The following RELN variants were observed in gnomAD, a reference collection of about 807,000 sequenced individuals.
The protein encoded by RELN is reelin.
RELN carries 108 observed loss-of-function variants against 427.6 expected under a neutral mutation model. The ratio of observed to expected loss-of-function variants is 0.25; its 90% confidence interval spans 0.22 to 0.30. RELN has a LOEUF of 0.30. Ranked by LOEUF, RELN falls within the 10% of genes least tolerant of loss-of-function variation. The probability of loss-of-function intolerance (pLI) is 1.00; values close to 1 mark genes in which losing one functional copy is unlikely to be tolerated. For missense variants in RELN, 3,715 were observed against 4,302.8 expected (o/e 0.86, Z 3.82); for synonymous variants, 1,524 against 1,513.4 (o/e 1.01, Z -0.16).
chr7:103,929,495 G>A (rs1795815146), intron 1 of RELN, among the ~76,000 whole-genome samples: 1 of 152,160 alleles, frequency 6.6e-6, no homozygotes, highest in African/African-American at 2.4e-5. Context: ...AGGTTCCTGT[G>A]AGGCTTTGGT....
At chr7:103,598,414 G>T (rs1831588758) in intron 24 of RELN, among the ~76,000 whole-genome samples, 1 of 152,168 alleles carries the variant, frequency 6.6e-6, no homozygotes, top group South Asian at 2.1e-4. Context: ...ATCATTACAG[G>T]AAGAATGATT....
At chr7:103,872,066 T>C (rs1316396070) in intron 2 of RELN, among the ~76,000 whole-genome samples, 2 of 148,288 alleles carry the variant, frequency 1.3e-5, no homozygotes, top group East Asian at 2.0e-4. Context: ...TTTTATTTAT[T>C]TATTTTTTTA....
intron 41 of RELN, among the ~76,000 whole-genome samples, chr7:103,549,853 T>C (rs1830375321): frequency 6.6e-6 from 1 of 152,164 alleles, no homozygotes; most frequent in African/African-American, 2.4e-5. Context: ...GAATAAAAAC[T>C]TTTTCCTGGA....
At chr7:103,679,599 A>G (rs926407467) in intron 11 of RELN, among the ~76,000 whole-genome samples, 2 of 152,132 alleles carry the variant, frequency 1.3e-5, no homozygotes, top group Non-Finnish European at 2.9e-5. Context: ...ATGTCCAAAG[A>G]GCACCTGAGT....
intron 41 of RELN, among the ~76,000 whole-genome samples, chr7:103,549,253 C>G (rs1042844275): frequency 6.6e-6 from 1 of 152,196 alleles, no homozygotes; most frequent in Non-Finnish European, 1.5e-5. Flanking sequence ...AAGGAGCCAG[C>G]ACCTCAGTGT....
chr7:103,890,107 T>A (rs4107712), intron 2 of RELN, among the ~76,000 whole-genome samples: 1 of 151,964 alleles, frequency 6.6e-6, no homozygotes, highest in South Asian at 2.1e-4. Context: ...CTCATCACTA[T>A]GTCTCTGGTT....
In RELN at chr7:103,575,532, A is replaced by C. The variant is rs1192908198; in HGVS notation, c.4303+16T>G. 1.2e-6 allele frequency: 2 copies of C among 1,613,038 alleles called. No homozygotes were observed. On this transcript the variant is annotated intron_variant, in intron 29 of 64. Transcript: ENST00000428762. ...ATTTTACAATAAAACCCTCAGACAC[A>C]TGTATTTAGCCTTACCAGTATATCC...
At position 103,563,287 on chromosome 7, in the gene RELN, T is replaced by C. The variant is rs578090148; in HGVS notation, c.5211-1334A>G. ...TGACAATGGTCTCATAAGATTATAA[T>C]GGATCTGAAAAAAAATTCCTATTGC... On this transcript the variant is annotated intron_variant, in intron 34 of 64. Coordinates refer to ENST00000428762, the MANE Select transcript of RELN (RefSeq NM_005045.4). This position sits in a 1 kb window ranked among gnomAD's most constrained non-coding sequence, Gnocchi z 4.1. 6.6e-6 allele frequency among the ~76,000 whole-genome samples: 1 copy of C among 152,310 alleles called. No homozygotes were observed. The highest frequency in any genetic ancestry group is 6.5e-5 in the Admixed American group (1 of 15,296).
At chr7:103,885,644 G>A (rs993483476) in intron 2 of RELN, among the ~76,000 whole-genome samples, 3 of 152,102 alleles carry the variant, frequency 2.0e-5, no homozygotes, top group Admixed American at 1.3e-4. Context: ...TGTAGATGAC[G>A]GGTTGATGGG....
chr7:103,596,589 T>A lies in RELN; in HGVS notation c.3406A>T (p.Ile1136Leu), dbSNP rs1335719430. The change falls in exon 25 of 65, where the codon ATA becomes TTA. Residue 1136 changes from isoleucine (I) to leucine (L), a missense_variant. By Grantham distance (5) the Ile-to-Leu change is conservative. This residue lies in a region of RELN where 2,208 missense variants were observed against 2,361.7 expected (regional missense o/e 0.93). Transcript: ENST00000428762. ...WVDFVQFYIQIGGESASCNKP... is the reference protein window; with the variant it reads ...WVDFVQFYIQLGGESASCNKP... ...TTGCATGAAGCACTCTCTCCGCCTA[T>A]CTGGATGTAGAACTGGACAAAGTCC... is the stretch of plus-strand genomic sequence containing the variant. 2 of 1,613,908 alleles carry A rather than the reference T, an allele frequency of 1.2e-6. No homozygotes were observed. Among genetic ancestry groups the A allele is most frequent in the African/African-American group, 1.3e-5 (1 of 74,912 alleles).
chr7:103,509,135 C>A (rs1041638505), intron 51 of RELN, among the ~76,000 whole-genome samples: 1 of 152,164 alleles, frequency 6.6e-6, no homozygotes, highest in Non-Finnish European at 1.5e-5. Context: ...ACTTTCTTCA[C>A]AGAATTGGAA....
chr7:103,852,624 A>C (rs1793850800), intron 2 of RELN, among the ~76,000 whole-genome samples: 2 of 151,980 alleles, frequency 1.3e-5, no homozygotes, highest in Admixed American at 6.6e-5. Context: ...AAAATCAATG[A>C]CCTTTCTTTT....
chr7:103,833,014 A>G (rs117498780), intron 3 of RELN, among the ~76,000 whole-genome samples: 1,966 of 152,306 alleles, frequency 0.013, 23 homozygotes, highest in Non-Finnish European at 0.017. Flanking sequence ...GCATATATTT[A>G]TGGAGCACAA....
chr7:103,646,661 G>A (rs573651337), intron 16 of RELN, among the ~76,000 whole-genome samples: 4 of 151,622 alleles, frequency 2.6e-5, no homozygotes, highest in Middle Eastern at 3.2e-3. Flanking sequence ...CTCTCAGGAC[G>A]AGACTAATTC....
chr7:103,868,432 C>T (rs566977826), intron 2 of RELN, among the ~76,000 whole-genome samples: 3 of 152,072 alleles, frequency 2.0e-5, no homozygotes, highest in South Asian at 2.1e-4. Context: ...GTACAGAAAA[C>T]GTAAAATGAG....
At chr7:103,912,819 T>C (rs1380384817) in intron 2 of RELN, among the ~76,000 whole-genome samples, 5 of 152,142 alleles carry the variant, frequency 3.3e-5, no homozygotes, top group Non-Finnish European at 4.4e-5. Context: ...CAATTTTGTA[T>C]GAAAGGATAT....
chr7:103,973,780 TATAA>T (rs533594718), intron 1 of RELN, among the ~76,000 whole-genome samples: 183 of 152,322 alleles, frequency 1.2e-3, no homozygotes, highest in Non-Finnish European at 1.5e-3. Flanking sequence ...TTCCTAAGAC[TATAA>T]ATAGATTAAA....
chr7:103,486,129 A>AC, intron 61 of RELN, 68 bp downstream of exon 61: 1 of 1,437,430 alleles, frequency 7.0e-7, no homozygotes, highest in Non-Finnish European at 9.8e-7. Flanking sequence ...CCTATCTAAC[A>AC]GACAATGGAC....
intron 8 of RELN, among the ~76,000 whole-genome samples, chr7:103,709,810 A>T (rs1158867468): frequency 1.3e-5 from 2 of 152,242 alleles, no homozygotes; most frequent in Non-Finnish European, 2.9e-5. Context: ...TAAATAAAAA[A>T]TATTGTTTTG....
Sources: gnomAD v4.1 joint callset for allele counts (sites outside exome capture counted in the v4.1 genomes callset) on GRCh38, gnomAD v4.1.1 for gene constraint, gnomAD v4.1.1 regional missense constraint, Gnocchi (gnomAD v3.1) non-coding constraint, MANE v1.5 for transcripts, NCBI Gene and HGNC (gene_info 2026-07-23, HGNC 2026-07-21) for gene names.